Variants in CALN1 observed in about 807,000 individuals in gnomAD.
CALN1 encodes the protein calcium-binding protein 8.
In CALN1, 17 loss-of-function variants were observed where a neutral mutation model predicts 30.6. The ratio of observed to expected loss-of-function variants is 0.56; its 90% CI spans 0.38 to 0.83. CALN1 has a LOEUF of 0.83. Ranked by LOEUF, CALN1 falls within the 40% of genes least tolerant of loss-of-function variation. CALN1 has a pLI of 0.00. For missense variants in CALN1, 291 were observed against 354.9 expected (o/e 0.82, Z 1.45); for synonymous variants, 156 against 131.4 (o/e 1.19, Z -1.28).
At chr7:72,454,081 T>TTGTGTTAGG in the CALN1 span, among the ~76,000 whole-genome samples, 8 of 152,092 alleles carry the variant, frequency 5.3e-5, no homozygotes, top group East Asian at 1.4e-3. Context: ...TGTTATCTAA[T>TTGTGTTAGG]TGTGTTAGGT....
At chr7:71,859,254 G>A (rs936761443) in intron 5 of CALN1, among the ~76,000 whole-genome samples, 1 of 152,040 alleles carries the variant, frequency 6.6e-6, no homozygotes, top group African/African-American at 2.4e-5. Context: ...GTAGAGACAG[G>A]GTTTCATCAT....
intron 2 of CALN1, among the ~76,000 whole-genome samples, chr7:72,374,612 G>A (rs1474913861): frequency 6.7e-6 from 1 of 150,198 alleles, no homozygotes; most frequent in East Asian, 1.9e-4. Flanking sequence ...CCTTATAAAG[G>A]ACATCTGCAC....
chr7:72,294,992 G>A lies in CALN1; in HGVS notation c.120-16182C>T, dbSNP rs1288837258. 7.2e-5 allele frequency among the ~76,000 whole-genome samples: 11 copies of A among 151,950 alleles called. No homozygotes were observed. In the East Asian group the frequency reaches 1.7e-3, roughly 24 times the overall value. ...GACCACAGAGCAAACTTCAGCATAC[G>A]TATTTAAAAAGTTGGTCTACCACAG... is the stretch of plus-strand genomic sequence containing the variant. On this transcript the variant is annotated intron_variant, in intron 2 of 6. Coordinates refer to ENST00000395275, the MANE Select transcript of CALN1 (RefSeq NM_031468.4).
chr7:72,401,010 AAC>A (rs1175139411), intron 2 of CALN1, among the ~76,000 whole-genome samples: 3 of 152,152 alleles, frequency 2.0e-5, no homozygotes, highest in African/African-American at 7.2e-5. Context: ...GCAGCGAGGA[AAC>A]AGTGGTGGCT....
At chr7:72,337,870 C>A (rs775372003) in intron 2 of CALN1, 1 of 152,370 alleles carries the variant, frequency 6.6e-6, no homozygotes, top group East Asian at 1.9e-4. Context: ...AAGGAGAGGG[C>A]GCTTGGGCAG....
chr7:72,032,363 A>T (rs1801512932), intron 4 of CALN1, among the ~76,000 whole-genome samples: 1 of 151,970 alleles, frequency 6.6e-6, no homozygotes, highest in South Asian at 2.1e-4. Flanking sequence ...GCTAATTTTT[A>T]AATTTTTTGT....
rs1402890723 is a variant in CALN1, at chr7:72,143,624, A to T, written c.245-37330T>A. 2.6e-5 allele frequency among the ~76,000 whole-genome samples: 4 copies of T among 152,176 alleles called. No homozygotes were observed. The East Asian group carries it at 7.7e-4, about 29-fold the overall frequency. The stretch of plus-strand genomic sequence containing the variant: ...CATTCAAATTCAGGAAATACAGAGA[A>T]CGCTACAAAGATACTCCTCGAGAAG... On this transcript the variant is annotated intron_variant, in intron 3 of 6. Transcript: ENST00000395275.
chr7:71,954,776 T>C (rs1345946955), intron 5 of CALN1, among the ~76,000 whole-genome samples: 1 of 151,996 alleles, frequency 6.6e-6, no homozygotes, highest in Non-Finnish European at 1.5e-5. Context: ...CAAGACAGAG[T>C]AGATTCAGGA....
chr7:72,273,521 CTT>C lies in CALN1; in HGVS notation c.244+5163_244+5164del, dbSNP rs1562823798. Among the ~76,000 whole-genome samples, 36 of 83,850 alleles carry C rather than the reference CTT, an allele frequency of 4.3e-4. 1 individual carries two copies. In the South Asian group the frequency reaches 5.4e-3, roughly 13 times the overall value. The allele number at this position is 83,850 out of a possible 152,430, so 55.0% of individuals were successfully genotyped here. On this transcript the variant is annotated intron_variant, in intron 3 of 6. Transcript: ENST00000395275. ...AGATTCTTTTTTTTTTTTTTTTTTT[CTT>C]CCCCCTAGAGACAGGGTCTTTCTTT...
chr7:72,120,271 C>T (rs1311464139), intron 3 of CALN1, among the ~76,000 whole-genome samples: 2 of 152,072 alleles, frequency 1.3e-5, no homozygotes, highest in African/African-American at 2.4e-5. Flanking sequence ...TTTTAATATG[C>T]AAATGTTCTT....
chr7:72,271,575 A>AAAAAAAAAAAAATATATATATAT lies in CALN1; in HGVS notation c.244+7110_244+7111insATATATATATATTTTTTTTTTTT. On this transcript the variant is annotated intron_variant, in intron 3 of 6. Transcript: ENST00000395275. ...CTGTGCCTGCCTTTTAAAAAAAAAA[A>AAAAAAAAAAAAATATATATATAT]ATATATATATATATATATAGTTTTC... Among the ~76,000 whole-genome samples the AAAAAAAAAAAAATATATATATAT allele has an allele frequency of 2.2e-3, 116 of 52,084 alleles. 5 individuals are homozygous for AAAAAAAAAAAAATATATATATAT. Among genetic ancestry groups the AAAAAAAAAAAAATATATATATAT allele is most frequent in the African/African-American group, 0.011 (84 of 7,416 alleles). 34.2% of individuals were successfully genotyped at this position (52,084 alleles called of 152,430 possible).
At chr7:72,157,759 T>C (rs913833606) in intron 3 of CALN1, among the ~76,000 whole-genome samples, 8 of 152,134 alleles carry the variant, frequency 5.3e-5, no homozygotes, top group Non-Finnish European at 7.4e-5. Flanking sequence ...GTTTGTTTGT[T>C]TTTGAAAGAG....
chr7:72,468,558 C>A, the CALN1 span, among the ~76,000 whole-genome samples: 1 of 152,176 alleles, frequency 6.6e-6, no homozygotes, highest in Non-Finnish European at 1.5e-5. Context: ...AAGTGATCTG[C>A]CAGACTCAGC....
the CALN1 span, among the ~76,000 whole-genome samples, chr7:72,479,695 G>A: frequency 6.6e-6 from 1 of 151,946 alleles, no homozygotes; most frequent in Non-Finnish European, 1.5e-5. Context: ...AGGACTACAG[G>A]CACAGGCCAC....
At chr7:72,206,404 C>A (rs1791888832) in intron 3 of CALN1, among the ~76,000 whole-genome samples, 1 of 152,178 alleles carries the variant, frequency 6.6e-6, no homozygotes, top group South Asian at 2.1e-4. Context: ...CTTCTTTTGA[C>A]TGCATAGATT....
chr7:72,393,479 CA>C (rs1179119649), intron 2 of CALN1, among the ~76,000 whole-genome samples: 1 of 151,914 alleles, frequency 6.6e-6, no homozygotes, highest in Admixed American at 6.6e-5. Flanking sequence ...ACAAAACAAA[CA>C]AAAAAACTAG....
intron 3 of CALN1, among the ~76,000 whole-genome samples, chr7:72,113,113 C>G (rs1807694137): frequency 1.3e-5 from 2 of 152,250 alleles, no homozygotes; most frequent in East Asian, 3.9e-4. Context: ...TCCCCAAAAT[C>G]TCATGTTGAA....
chr7:72,014,153 C>G (rs1444858944), intron 5 of CALN1, among the ~76,000 whole-genome samples: 1 of 141,636 alleles, frequency 7.1e-6, no homozygotes, highest in Non-Finnish European at 1.5e-5. Flanking sequence ...GTGGCTTGGT[C>G]TCAGCTCACT....
At chr7:72,218,516 T>C (rs542209966) in intron 3 of CALN1, among the ~76,000 whole-genome samples, 21 of 152,270 alleles carry the variant, frequency 1.4e-4, no homozygotes, top group Admixed American at 3.3e-4. Flanking sequence ...CCCAGCTCAG[T>C]AGCCTGTTAT....
Sources: gnomAD v4.1 joint callset for allele counts (sites outside exome capture counted in the v4.1 genomes callset) on GRCh38, gnomAD v4.1.1 for gene constraint, MANE v1.5 for transcripts, NCBI Gene and HGNC (gene_info 2026-07-23, HGNC 2026-07-21) for gene names.